The following ABCC6 variants were observed in gnomAD, a reference collection of about 807,000 sequenced individuals.
The protein encoded by ABCC6 is ATP binding cassette subfamily C member 6, also known as ATP-binding cassette sub-family C member 6.
Under a neutral mutation model 169.5 loss-of-function variants are expected in ABCC6, and 126 were observed. The ratio of observed to expected loss-of-function variants is 0.74; its 90% CI spans 0.64 to 0.86. The LOEUF is 0.86. ABCC6 is among the 40% of genes least tolerant of loss of function. The pLI is 0.00. For synonymous variants in ABCC6, 752 were observed against 814.7 expected, an observed-to-expected ratio of 0.92 and a Z score of 1.31; for missense variants, 1,733 against 1,927.2, an observed-to-expected ratio of 0.90 and a Z score of 1.89.
intron 10 of ABCC6, among the ~76,000 whole-genome samples, chr16:16,193,162 T>A (rs1232905606): frequency 2.6e-5 from 4 of 152,062 alleles, no homozygotes; most frequent in South Asian, 4.2e-4. Flanking sequence ...GGCGGCCAAA[T>A]CCCACCAAAA....
Position 16,182,804 on chromosome 16 carries a change from C to G in ABCC6, c.2070G>C (p.Glu690Asp). 6.2e-7 allele frequency: 1 copy of G among 1,613,950 alleles called. No individual in the cohort carries two copies. The highest frequency in any genetic ancestry group is 8.5e-7 in the Non-Finnish European group (1 of 1,179,960). The change falls in exon 16 of 31, where the codon GAG (glutamate) becomes GAC (aspartate). Residue 690 changes from glutamate (E) to aspartate (D), a missense_variant and splice_region_variant. Around this residue, in one of 5 missense-constraint regions of ABCC6, gnomAD observed 1,601 missense variants for 1,635.5 expected, o/e 0.98. Transcript: ENST00000205557. ...GCAGACAGGCTGGGGGTGGCCTCAC[C>G]TCGATGCTCACGAACCCCTCCACCT... is the stretch of plus-strand genomic sequence containing the variant. ...LSKVEGFVSI[E>D]GAVAYVPQEA... is the part of the protein sequence containing the mutation.
chr16:16,172,131 GATGGGATGC>G (rs2047115132), intron 21 of ABCC6, among the ~76,000 whole-genome samples: 2 of 93,748 alleles, frequency 2.1e-5, no homozygotes, highest in Non-Finnish European at 4.3e-5. Flanking sequence ...TAAATGAATG[GATGGGATGC>G]ATAAATGAGT....
intron 25 of ABCC6, among the ~76,000 whole-genome samples, chr16:16,160,410 G>C (rs142217287): frequency 1.3e-5 from 2 of 152,002 alleles, no homozygotes; most frequent in Non-Finnish European, 2.9e-5. Context: ...GTCTAAGCAG[G>C]AAGATTGTTT....
In ABCC6 at chr16:16,163,084, C is replaced by A; in HGVS notation, c.3415G>T (p.Ala1139Ser). ...ACAAAGGGGGCCTGGGTTCGGAATG[C>A]CCGGACCACTGTGCTGCCCTGGAAC... ...ETFQGSTVVR[A>S]FRTQAPFVAQ... The change falls in exon 24 of 31, where the codon GCA becomes TCA. Residue 1139 changes from alanine (A) to serine (S), a missense_variant. Transcript: ENST00000205557. 6.2e-7 allele frequency: 1 copy of A among 1,613,892 alleles called. No homozygotes were observed. Among genetic ancestry groups the A allele is most frequent in the Non-Finnish European group, 8.5e-7 (1 of 1,180,016 alleles).
At chr16:16,169,062 C>T (rs1216663801) in intron 22 of ABCC6, among the ~76,000 whole-genome samples, 1 of 152,082 alleles carries the variant, frequency 6.6e-6, no homozygotes, top group Non-Finnish European at 1.5e-5. Context: ...GCCCGGGCAA[C>T]AGAGCAAGAC....
intron 5 of ABCC6, among the ~76,000 whole-genome samples, chr16:16,213,617 A>G (rs1441553532): frequency 6.7e-6 from 1 of 148,510 alleles, no homozygotes; most frequent in South Asian, 2.1e-4. Flanking sequence ...CTGGAGTGCA[A>G]ATGCACAGTC....
chr16:16,183,271 C>T (rs1349697985), intron 15 of ABCC6, among the ~76,000 whole-genome samples: 1 of 152,204 alleles, frequency 6.6e-6, no homozygotes, highest in Non-Finnish European at 1.5e-5. Context: ...TACATGTGTG[C>T]ACACATGCAC....
chr16:16,203,673 A>C (rs1428363404), intron 7 of ABCC6, 60 bp from the exon 8 acceptor site: 1 of 1,593,138 alleles, frequency 6.3e-7, no homozygotes, highest in African/African-American at 1.3e-5. Context: ...CGCCAGCGGC[A>C]GGGCCAGGCA....
rs773390728 is a variant in ABCC6, at chr16:16,177,632, C to A, written c.2416-6G>T. The A allele has an allele frequency of 6.2e-7, 1 of 1,614,118 alleles. No individual in the cohort carries two copies. The highest frequency in any genetic ancestry group is 8.5e-7 in the Non-Finnish European group (1 of 1,180,036). The stretch of plus-strand genomic sequence containing the variant: ...TGCGTCACGAGAATCCGTGTCTGGG[C>A]AGGGAAGGGGTAGAAGTTACACACA... On this transcript the variant is annotated splice_polypyrimidine_tract_variant and splice_region_variant and intron_variant, in intron 18 of 30. Transcript: ENST00000205557.
chr16:16,201,140 T>C (rs866779621), intron 9 of ABCC6, among the ~76,000 whole-genome samples: 1 of 152,174 alleles, frequency 6.6e-6, no homozygotes, highest in Non-Finnish European at 1.5e-5. Flanking sequence ...CTAATTTTTG[T>C]ATTTTTAGTA....
intron 24 of ABCC6, among the ~76,000 whole-genome samples, chr16:16,161,796 G>T (rs1415168251): frequency 6.6e-6 from 1 of 152,098 alleles, no homozygotes; most frequent in East Asian, 1.9e-4. Context: ...TCCCTGTGTG[G>T]CTGCTTTTCT....
chr16:16,154,251 C>T (rs552613824), intron 29 of ABCC6, among the ~76,000 whole-genome samples: 1 of 151,920 alleles, frequency 6.6e-6, no homozygotes, highest in South Asian at 2.1e-4. Context: ...CCAGTCCACA[C>T]TTGACATTTA....
intron 24 of ABCC6, 114 bp downstream of exon 24, chr16:16,162,879 C>T (rs548812155): frequency 7.3e-7 from 1 of 1,372,408 alleles, no homozygotes; most frequent in South Asian, 1.2e-5. Flanking sequence ...GATCTAGCCT[C>T]AACTATGTCC....
chr16:16,183,311 A>G (rs1237361681), intron 15 of ABCC6, among the ~76,000 whole-genome samples: 1 of 152,174 alleles, frequency 6.6e-6, no homozygotes, highest in African/African-American at 2.4e-5. Context: ...GGTTGACTAT[A>G]GCCTGAGGGT....
intron 23 of ABCC6, among the ~76,000 whole-genome samples, chr16:16,163,737 A>ACAGG (rs1404883416): frequency 6.6e-6 from 1 of 152,184 alleles, no homozygotes; most frequent in African/African-American, 2.4e-5. Flanking sequence ...CAGCTGGCAG[A>ACAGG]CAGGCAGGCA....
At chr16:16,155,135 T>C in intron 27 of ABCC6, 104 bp from the exon 28 acceptor site, 1 of 1,356,206 alleles carries the variant, frequency 7.4e-7, no homozygotes, top group South Asian at 1.3e-5. Flanking sequence ...CCATCCCTCA[T>C]TGTGTAAAGG....
intron 27 of ABCC6, among the ~76,000 whole-genome samples, chr16:16,156,858 A>C (rs1032433881): frequency 1.3e-5 from 2 of 148,850 alleles, no homozygotes; most frequent in Non-Finnish European, 3.0e-5. Flanking sequence ...CAGGAGAATC[A>C]CTTGAATCTG....
chr16:16,217,400 A>G (rs1014263491), intron 4 of ABCC6, among the ~76,000 whole-genome samples: 2 of 152,258 alleles, frequency 1.3e-5, no homozygotes, highest in Admixed American at 6.5e-5. Context: ...CCTCATCTTT[A>G]AAATGGGACG....
intron 23 of ABCC6, 23 bp downstream of exon 23, chr16:16,165,587 CAGCCGGTCCCGGA>C (rs2046846750): frequency 6.2e-7 from 1 of 1,611,646 alleles, no homozygotes. Flanking sequence ...GAGTTGACCT[CAGCCGGTCCCGGA>C]AGCCTCCCTG....
Sources: allele counts gnomAD v4.1 joint callset (sites outside exome capture counted in the v4.1 genomes callset), GRCh38; gene constraint gnomAD v4.1.1; regional missense constraint gnomAD v4.1.1; transcripts MANE v1.5; gene names NCBI Gene and HGNC (gene_info 2026-07-23, HGNC 2026-07-21).